PRKG1: variants seen among roughly 807,000 people sequenced by gnomAD.
PRKG1 encodes the protein protein kinase cGMP-dependent 1, also known as cGMP-dependent protein kinase 1.
PRKG1 carries 35 observed loss-of-function variants against 88.1 expected under a neutral mutation model. The ratio of observed to expected loss-of-function variants is 0.40; its 90% CI spans 0.30 to 0.53. The LOEUF is 0.53. Among genes scored for constraint, PRKG1 ranks in the 20% least tolerant of loss-of-function variants. The pLI, the probability that PRKG1 is intolerant of heterozygous loss-of-function variation, is 0.59. For synonymous variants in PRKG1, 303 were observed against 292.5 expected, an observed-to-expected ratio of 1.04 and a Z score of -0.37; for missense variants, 540 against 839.8, an observed-to-expected ratio of 0.64 and a Z score of 4.41.
At position 52,061,807 on chromosome 10, in the gene PRKG1, A is replaced by T. The variant is rs578011600; in HGVS notation, c.841-730A>T. The stretch of plus-strand genomic sequence containing the variant: ...AAATGAAGCATGTGGATTTTGAGGG[A>T]TATAGTCAGTTACAGCCATGCAAGA... On this transcript the variant is annotated intron_variant, in intron 6 of 17. Transcript: ENST00000373980. 2.0e-5 allele frequency among the ~76,000 whole-genome samples: 3 copies of T among 152,224 alleles called. No individual in the cohort carries two copies. In the East Asian group the frequency reaches 5.8e-4, roughly 29 times the overall value.
intron 2 of PRKG1, among the ~76,000 whole-genome samples, chr10:51,384,989 A>G (rs1001684584): frequency 1.3e-5 from 2 of 152,240 alleles, no homozygotes; most frequent in South Asian, 2.1e-4. Context: ...CTTCTTTATA[A>G]TAAGTATTGC....
chr10:51,476,038 G>A (rs1840183507), intron 3 of PRKG1, among the ~76,000 whole-genome samples: 1 of 152,036 alleles, frequency 6.6e-6, no homozygotes, highest in South Asian at 2.1e-4. Flanking sequence ...TGTACTCATA[G>A]TGGAAAGGTC....
At chr10:51,301,072 A>G (rs1840871127) in intron 2 of PRKG1, among the ~76,000 whole-genome samples, 1 of 152,126 alleles carries the variant, frequency 6.6e-6, no homozygotes, top group African/African-American at 2.4e-5. Context: ...AGCACAATGG[A>G]GAAATATTAG....
intron 2 of PRKG1, among the ~76,000 whole-genome samples, chr10:51,262,393 C>T (rs1839735480): frequency 1.3e-5 from 2 of 152,246 alleles, no homozygotes; most frequent in South Asian, 4.1e-4. Context: ...ACATCCTTAT[C>T]AAATAATATT....
intron 1 of PRKG1, among the ~76,000 whole-genome samples, chr10:51,151,817 G>A (rs994922547): frequency 1.3e-5 from 2 of 151,856 alleles, no homozygotes; most frequent in African/African-American, 2.4e-5. Context: ...AAAACATAAT[G>A]GTGAAGGCTA....
At chr10:51,712,205 C>G (rs1422242734) in intron 3 of PRKG1, among the ~76,000 whole-genome samples, 1 of 152,122 alleles carries the variant, frequency 6.6e-6, no homozygotes, top group Non-Finnish European at 1.5e-5. Flanking sequence ...CTTAGCAAAG[C>G]CTGTTTGTTC....
chr10:52,080,230 C>T (rs1384829550), intron 7 of PRKG1, among the ~76,000 whole-genome samples: 1 of 152,172 alleles, frequency 6.6e-6, no homozygotes, highest in Non-Finnish European at 1.5e-5. Flanking sequence ...CTATTTCATG[C>T]TGCATCCAAT....
At chr10:51,137,007 A>G (rs1216718611) in intron 1 of PRKG1, among the ~76,000 whole-genome samples, 1 of 151,460 alleles carries the variant, frequency 6.6e-6, no homozygotes, top group Admixed American at 6.6e-5. Flanking sequence ...GCCTCAGCCT[A>G]CCCAGTAGCT....
intron 3 of PRKG1, among the ~76,000 whole-genome samples, chr10:51,562,448 A>G (rs936069760): frequency 6.6e-6 from 1 of 152,090 alleles, no homozygotes; most frequent in African/African-American, 2.4e-5. Context: ...TGGAGATAGT[A>G]GGAAAGTTTT....
At chr10:52,276,091 C>T (rs533020366) in intron 12 of PRKG1, among the ~76,000 whole-genome samples, 1 of 152,144 alleles carries the variant, frequency 6.6e-6, no homozygotes, top group East Asian at 1.9e-4. Context: ...CTGGAAGAGT[C>T]CTTAGGGTTT....
intron 9 of PRKG1, among the ~76,000 whole-genome samples, chr10:52,244,783 T>TATATTTAAATATATATTTAG (rs1840969323): frequency 8.0e-6 from 1 of 125,638 alleles, no homozygotes; most frequent in Non-Finnish European, 1.6e-5. Flanking sequence ...TATACCTTAA[T>TATATTTAAATATATATTTAG]ATATATTTAA....
chr10:51,054,478 G>C (rs928194949), intron 1 of PRKG1, among the ~76,000 whole-genome samples: 4 of 152,140 alleles, frequency 2.6e-5, no homozygotes, highest in African/African-American at 7.2e-5. Context: ...TGAAGCAGAT[G>C]CCCTATTCCA....
At chr10:51,617,465 G>A (rs1456487334) in intron 3 of PRKG1, among the ~76,000 whole-genome samples, 1 of 152,160 alleles carries the variant, frequency 6.6e-6, no homozygotes, top group African/African-American at 2.4e-5. Context: ...CTATCTGCAT[G>A]TGTCATCTGG....
rs923200545 is a variant in PRKG1 at position 51,338,444 on chromosome 10, T to C, written c.479-129279T>C. 4.8e-4 allele frequency among the ~76,000 whole-genome samples: 73 copies of C among 152,104 alleles called. 4 individuals are homozygous for C. The highest frequency in any genetic ancestry group is 1.2e-4 in the Non-Finnish European group (8 of 68,008). ...ATTAAAATTAAAGAAAAATAAGGGT[T>C]TCTAGGCTAGGGGTTAGCCACACTG... is the stretch of plus-strand genomic sequence containing the variant. On this transcript the variant is annotated intron_variant, in intron 2 of 17. Transcript: ENST00000373980.
intron 3 of PRKG1, 186 bp downstream of exon 3, chr10:51,468,022 A>G (rs1363390472): frequency 7.5e-6 from 4 of 532,080 alleles, no homozygotes; most frequent in Admixed American, 3.1e-5. Flanking sequence ...TCAGTTTTGT[A>G]TAATTACATT....
intron 3 of PRKG1, among the ~76,000 whole-genome samples, chr10:51,608,683 G>A (rs1196694042): frequency 2.0e-5 from 3 of 152,078 alleles, no homozygotes; most frequent in African/African-American, 7.2e-5. Flanking sequence ...GAATCAAAAT[G>A]CAACCTAATT....
intron 1 of PRKG1, among the ~76,000 whole-genome samples, chr10:51,080,687 C>T (rs1395238379): frequency 1.3e-5 from 2 of 152,194 alleles, no homozygotes. Context: ...ACTTATTATG[C>T]AATCACATCC....
chr10:51,934,240 G>A (rs1842755397), intron 5 of PRKG1, among the ~76,000 whole-genome samples: 1 of 145,012 alleles, frequency 6.9e-6, no homozygotes, highest in Non-Finnish European at 1.5e-5. Context: ...TTGTGTGCAT[G>A]ATTACACACA....
intron 2 of PRKG1, among the ~76,000 whole-genome samples, chr10:51,394,884 G>A (rs752603347): frequency 4.6e-5 from 7 of 152,146 alleles, no homozygotes; most frequent in Non-Finnish European, 1.0e-4. Context: ...TCTCCCAACA[G>A]TGATTTTCCA....
Sources: allele counts gnomAD v4.1 joint callset (sites outside exome capture counted in the v4.1 genomes callset), GRCh38; gene constraint gnomAD v4.1.1; transcripts MANE v1.5; gene names NCBI Gene and HGNC (gene_info 2026-07-23, HGNC 2026-07-21).